ADAMTS12: variants seen among roughly 807,000 people sequenced by gnomAD.
ADAMTS12 encodes the protein A disintegrin and metalloproteinase with thrombospondin motifs 12.
In ADAMTS12, 118 loss-of-function variants were observed where a neutral mutation model predicts 167.8. The observed-to-expected ratio is 0.70, with a 90% CI of 0.61 to 0.82. The LOEUF (loss-of-function observed/expected upper bound fraction) is 0.82, where lower values mean the gene tolerates loss of function less well. Among genes scored for constraint, ADAMTS12 ranks in the 40% least tolerant of loss-of-function variants. ADAMTS12 has a pLI of 0.00. For synonymous variants in ADAMTS12, 704 were observed against 716.9 expected (o/e 0.98, Z 0.29); for missense variants, 1,916 against 1,998.8 (o/e 0.96, Z 0.79).
At chr5:33,891,412 A>C (rs1235710651) in intron 1 of ADAMTS12, 2 of 283,362 alleles carry the variant, frequency 7.1e-6, no homozygotes, top group East Asian at 1.3e-4. Flanking sequence ...TAGGGGATCA[A>C]AACAGTACAG....
chr5:33,630,923 A>G lies in ADAMTS12; in HGVS notation c.1889-10T>C. On this transcript the variant is annotated splice_polypyrimidine_tract_variant and intron_variant, in intron 12 of 23. Transcript: ENST00000504830. ...AGCTCACAAGGATGTGCTGAAGGGA[A>G]AAAAGAAGGCAAAGCCTTGCAAATT... 2 of 1,611,158 alleles carry G rather than the reference A, an allele frequency of 1.2e-6. No homozygotes were observed. The highest frequency in any genetic ancestry group is 1.7e-6 in the Non-Finnish European group (2 of 1,177,842).
intron 2 of ADAMTS12, among the ~76,000 whole-genome samples, chr5:33,786,317 A>G (rs111303616): frequency 0.014 from 2,203 of 152,334 alleles, 57 homozygotes; most frequent in African/African-American, 0.049. Context: ...TGATACCTCA[A>G]TAAGGCTGTT....
chr5:33,859,722 C>T (rs1369598961), intron 2 of ADAMTS12, among the ~76,000 whole-genome samples: 1 of 152,184 alleles, frequency 6.6e-6, no homozygotes, highest in Non-Finnish European at 1.5e-5. Context: ...TGGGAAACAC[C>T]TCCCAGCAGG....
At chr5:33,590,992 G>T (rs1747606065) in intron 17 of ADAMTS12, among the ~76,000 whole-genome samples, 2 of 150,436 alleles carry the variant, frequency 1.3e-5, no homozygotes, top group Admixed American at 1.3e-4. Context: ...CATTCTTTTG[G>T]GTGTTTGCCA....
intron 22 of ADAMTS12, among the ~76,000 whole-genome samples, chr5:33,539,507 G>A (rs999510511): frequency 6.6e-6 from 1 of 152,122 alleles, no homozygotes; most frequent in Admixed American, 6.5e-5. Context: ...TAAAACAGAT[G>A]TTTCTTAGGC....
intron 2 of ADAMTS12, among the ~76,000 whole-genome samples, chr5:33,770,433 G>A (rs770301405): frequency 3.9e-5 from 6 of 152,134 alleles, no homozygotes; most frequent in Admixed American, 1.3e-4. Context: ...CAGCTCCTCC[G>A]AGGACAGAGC....
intron 18 of ADAMTS12, among the ~76,000 whole-genome samples, chr5:33,581,238 T>G (rs996597402): frequency 3.9e-5 from 6 of 152,226 alleles, no homozygotes; most frequent in Non-Finnish European, 8.8e-5. Context: ...GTTTCAGAAT[T>G]CTCTAAACCA....
At chr5:33,823,781 C>T (rs188834272) in intron 2 of ADAMTS12, among the ~76,000 whole-genome samples, 32 of 151,860 alleles carry the variant, frequency 2.1e-4, no homozygotes, top group African/African-American at 5.6e-4. Flanking sequence ...TTCGTTAATC[C>T]GTTTCAGAAT....
intron 3 of ADAMTS12, among the ~76,000 whole-genome samples, chr5:33,731,288 A>G (rs974773818): frequency 6.6e-6 from 1 of 150,840 alleles, no homozygotes; most frequent in African/African-American, 2.4e-5. Flanking sequence ...CGGGTTCCAG[A>G]GATTCTCATG....
chr5:33,693,646 TAGGCATTGAAGGAACATAC>T (rs1742635302), intron 3 of ADAMTS12, among the ~76,000 whole-genome samples: 5 of 151,860 alleles, frequency 3.3e-5, no homozygotes, highest in East Asian at 2.0e-4. Context: ...CTCAACAGAC[TAGGCATTGAAGGAACATAC>T]CTCACAATAT....
intron 13 of ADAMTS12, among the ~76,000 whole-genome samples, chr5:33,628,108 A>G (rs1475749729): frequency 1.3e-5 from 2 of 152,176 alleles, no homozygotes; most frequent in African/African-American, 2.4e-5. Flanking sequence ...GCTGATGGAT[A>G]GACCAGGGCA....
At chr5:33,562,552 A>G (rs896812877) in intron 19 of ADAMTS12, among the ~76,000 whole-genome samples, 3 of 151,988 alleles carry the variant, frequency 2.0e-5, no homozygotes, top group South Asian at 2.1e-4. Flanking sequence ...TCCATCTATG[A>G]CATGCTTGAA....
At chr5:33,891,699 T>C (rs758524580) in intron 1 of ADAMTS12, 31 bp downstream of exon 1, 2 of 1,613,284 alleles carry the variant, frequency 1.2e-6, no homozygotes, top group Non-Finnish European at 1.7e-6. Context: ...ACCACCACTG[T>C]TTTAAAAAGA....
intron 3 of ADAMTS12, among the ~76,000 whole-genome samples, chr5:33,739,949 C>A (rs965070041): frequency 6.6e-6 from 1 of 152,186 alleles, no homozygotes; most frequent in Non-Finnish European, 1.5e-5. Context: ...GGGCTTTAAA[C>A]CACATTGGTG....
chr5:33,733,955 T>A (rs557709703), intron 3 of ADAMTS12, among the ~76,000 whole-genome samples: 30 of 150,132 alleles, frequency 2.0e-4, no homozygotes, highest in Admixed American at 1.8e-3. Flanking sequence ...GTGCAAGAAT[T>A]CACACCCAGA....
At chr5:33,678,350 C>T (rs1241946807) in intron 5 of ADAMTS12, among the ~76,000 whole-genome samples, 1 of 152,140 alleles carries the variant, frequency 6.6e-6, no homozygotes, top group East Asian at 1.9e-4. Flanking sequence ...CTATTATATA[C>T]CAGTGAGCAA....
intron 5 of ADAMTS12, among the ~76,000 whole-genome samples, chr5:33,666,823 A>G (rs987415120): frequency 2.0e-5 from 3 of 152,294 alleles, no homozygotes; most frequent in Non-Finnish European, 2.9e-5. Context: ...ATATGCTTAA[A>G]TTATTGCTAT....
chr5:33,653,585 G>A (rs374445409), intron 7 of ADAMTS12, among the ~76,000 whole-genome samples: 1 of 152,056 alleles, frequency 6.6e-6, no homozygotes, highest in East Asian at 1.9e-4. Context: ...ATGATTCTTG[G>A]TTGTCGACAG....
intron 3 of ADAMTS12, among the ~76,000 whole-genome samples, chr5:33,685,554 C>T (rs144916571): frequency 5.9e-5 from 9 of 152,180 alleles, no homozygotes; most frequent in Non-Finnish European, 1.0e-4. Flanking sequence ...ACATGTTTGG[C>T]GATATTGACA....
Sources: gnomAD v4.1 joint callset for allele counts (sites outside exome capture counted in the v4.1 genomes callset) on GRCh38, gnomAD v4.1.1 for gene constraint, MANE v1.5 for transcripts, NCBI Gene and HGNC (gene_info 2026-07-23, HGNC 2026-07-21) for gene names.